Variants in CPNE4 observed in about 807,000 individuals in gnomAD.
The protein encoded by CPNE4 is copine 4, also known as copine-4.
In CPNE4, 25 loss-of-function variants were observed where a neutral mutation model predicts 67.9. That is an observed-to-expected ratio of 0.37 (90% CI 0.27 to 0.51). The LOEUF (loss-of-function observed/expected upper bound fraction) is 0.51, where lower values mean the gene tolerates loss of function less well. Among genes scored for constraint, CPNE4 ranks in the 20% least tolerant of loss-of-function variants. The probability of loss-of-function intolerance (pLI) is 0.93; values close to 1 mark genes in which losing one functional copy is unlikely to be tolerated. For synonymous variants in CPNE4, 242 were observed against 244.9 expected, an observed-to-expected ratio of 0.99 and a Z score of 0.11; for missense variants, 464 against 690.8, an observed-to-expected ratio of 0.67 and a Z score of 3.68.
chr3:131,972,415 T>C (rs1227220612), intron 1 of CPNE4, among the ~76,000 whole-genome samples: 1 of 152,192 alleles, frequency 6.6e-6, no homozygotes. Context: ...CTAGAACAAA[T>C]GCCAATCCCC....
intron 2 of CPNE4, among the ~76,000 whole-genome samples, chr3:131,777,382 T>G (rs1229242816): frequency 4.0e-5 from 6 of 150,484 alleles, no homozygotes; most frequent in African/African-American, 9.7e-5. Flanking sequence ...TTCAAGGTTT[T>G]TTTTTTTTTT....
intron 6 of CPNE4, among the ~76,000 whole-genome samples, chr3:131,682,221 G>A (rs2080776748): frequency 6.6e-6 from 1 of 151,852 alleles, no homozygotes; most frequent in African/African-American, 2.4e-5. Flanking sequence ...GGATATTGAA[G>A]ATTTATATAT....
intron 9 of CPNE4, among the ~76,000 whole-genome samples, chr3:131,577,206 G>A (rs2107685014): frequency 6.6e-6 from 1 of 152,164 alleles, no homozygotes; most frequent in South Asian, 2.1e-4. Context: ...TGTTATGTAA[G>A]GATATGGTCC....
At chr3:131,787,531 C>A (rs1467889323) in intron 2 of CPNE4, among the ~76,000 whole-genome samples, 1 of 152,122 alleles carries the variant, frequency 6.6e-6, no homozygotes, top group African/African-American at 2.4e-5. Context: ...TGTTCTGCAA[C>A]CAAGGCAGAC....
At chr3:131,612,971 C>G (rs1019320844) in intron 7 of CPNE4, among the ~76,000 whole-genome samples, 1 of 152,178 alleles carries the variant, frequency 6.6e-6, no homozygotes, top group Non-Finnish European at 1.5e-5. Flanking sequence ...ATCTTGTAAA[C>G]AAGATCATTC....
chr3:131,737,109 T>C (rs13060561), intron 2 of CPNE4, among the ~76,000 whole-genome samples: 1 of 144,264 alleles, frequency 6.9e-6, no homozygotes, highest in African/African-American at 2.6e-5. Context: ...TTATGAAGTA[T>C]TGTGTCTTTT....
Position 131,993,326 on chromosome 3 carries a change from G to A in CPNE4, c.-2+41241C>T, listed in dbSNP as rs147208303. 5.1e-3 allele frequency among the ~76,000 whole-genome samples: 690 copies of A among 134,162 alleles called. 148 individuals are homozygous for A. Among genetic ancestry groups the A allele is most frequent in the Non-Finnish European group, 8.8e-3 (520 of 59,364 alleles). The allele number at this position is 134,162 out of a possible 152,430, so 88.0% of individuals were successfully genotyped here. ...TGTCCAGGTTCAGGACCTTTAAAGA[G>A]GATACAGGAAACTTGAAATCTTAAT... is the stretch of plus-strand genomic sequence containing the variant. On this transcript the variant is annotated intron_variant, in intron 1 of 15. Transcript: ENST00000429747.
At chr3:131,552,763 A>C (rs1028865066) in intron 12 of CPNE4, among the ~76,000 whole-genome samples, 1 of 152,098 alleles carries the variant, frequency 6.6e-6, no homozygotes, top group African/African-American at 2.4e-5. Flanking sequence ...AAATCCAAGA[A>C]AAGATTTCAG....
At chr3:131,725,649 G>A (rs2081983400) in intron 2 of CPNE4, among the ~76,000 whole-genome samples, 1 of 152,166 alleles carries the variant, frequency 6.6e-6, no homozygotes, top group African/African-American at 2.4e-5. Context: ...TAATAGTTTT[G>A]AATAATAGAA....
chr3:131,981,730 TAGG>T lies in CPNE4; in HGVS notation c.-2+52834_-2+52836del, dbSNP rs542596125. ...GTGGTGCCAGGCAGGAGTGGCCTGCTAGGAGACCCAGCAAGCTCCCAGGGCCTT... is the reference window on the plus strand; with the variant it reads ...GTGGTGCCAGGCAGGAGTGGCCTGCTAGACCCAGCAAGCTCCCAGGGCCTT... On this transcript the variant is annotated intron_variant, in intron 1 of 15. Coordinates refer to ENST00000429747, the MANE Select transcript of CPNE4 (RefSeq NM_130808.3). Among the ~76,000 whole-genome samples, 48 of 152,336 alleles carry T rather than the reference TAGG, an allele frequency of 3.2e-4. 1 individual carries two copies. In the South Asian group the frequency reaches 9.5e-3, roughly 30 times the overall value.
intron 2 of CPNE4, among the ~76,000 whole-genome samples, chr3:131,801,415 C>CAT (rs1553774149): frequency 3.0e-5 from 2 of 66,088 alleles, no homozygotes; most frequent in African/African-American, 1.4e-4. Flanking sequence ...TACATATATA[C>CAT]GTGTGTGTGT....
chr3:131,752,590 T>C (rs973100907), intron 2 of CPNE4, among the ~76,000 whole-genome samples: 9 of 152,190 alleles, frequency 5.9e-5, no homozygotes, highest in African/African-American at 2.2e-4. Flanking sequence ...TGTATTCTTA[T>C]GTTTGTTTTA....
At chr3:131,693,733 C>G (rs192847709) in intron 5 of CPNE4, among the ~76,000 whole-genome samples, 14 of 152,130 alleles carry the variant, frequency 9.2e-5, no homozygotes, top group African/African-American at 2.9e-4. Flanking sequence ...GCCTGACCTC[C>G]CCTCTTACCT....
chr3:131,564,365 A>G lies in CPNE4; in HGVS notation c.928-16T>C. On this transcript the variant is annotated splice_polypyrimidine_tract_variant and intron_variant, in intron 10 of 15. Coordinates refer to ENST00000429747, the MANE Select transcript of CPNE4 (RefSeq NM_130808.3). The stretch of plus-strand genomic sequence containing the variant: ...CTATAGCTACCTAAAAGAGAAAAAT[A>G]CAAGAAAAGGTAAATTTAAAGTGGA... 5 of 1,605,890 alleles carry G rather than the reference A, an allele frequency of 3.1e-6. No homozygotes were observed. The highest frequency in any genetic ancestry group is 4.2e-6 in the Non-Finnish European group (5 of 1,176,652).
At position 131,581,587 on chromosome 3, in the gene CPNE4, G is replaced by A. The variant is rs776733103; in HGVS notation, c.859C>T (p.Leu287=). The change falls in exon 9 of 16, where the codon CTG becomes TTG. Residue 287 remains leucine (L), a synonymous_variant. Coordinates refer to ENST00000429747, the MANE Select transcript of CPNE4 (RefSeq NM_130808.3). ...YKNSGTVILN[L]CKIHKMHSFL... ...GAGGGTTGTGTACATACCTTGCACA[G>A]ATTCAGAATCACAGTGCCTGAGTTC... is the stretch of plus-strand genomic sequence containing the variant. The A allele has an allele frequency of 2.2e-5, 36 of 1,611,508 alleles. No homozygotes were observed. The East Asian group carries it at 7.8e-4, about 35-fold the overall frequency.
intron 2 of CPNE4, among the ~76,000 whole-genome samples, chr3:131,823,673 T>G (rs79665809): frequency 0.024 from 3,586 of 152,288 alleles, 126 homozygotes; most frequent in African/African-American, 0.08. Context: ...CACCCTCTCC[T>G]TAAAGGTTAG....
At chr3:131,628,123 A>C (rs1365518560) in intron 7 of CPNE4, among the ~76,000 whole-genome samples, 1 of 152,196 alleles carries the variant, frequency 6.6e-6, no homozygotes, top group Non-Finnish European at 1.5e-5. Flanking sequence ...TCGTTATCTT[A>C]TTTTAAGAAA....
intron 9 of CPNE4, among the ~76,000 whole-genome samples, chr3:131,579,506 G>A (rs781634280): frequency 5.9e-5 from 9 of 152,040 alleles, no homozygotes; most frequent in Non-Finnish European, 1.0e-4. Context: ...CTATCATTAC[G>A]GTAGTTTTTC....
chr3:131,980,398 T>G (rs560599603), intron 1 of CPNE4, among the ~76,000 whole-genome samples: 6 of 152,270 alleles, frequency 3.9e-5, no homozygotes, highest in Admixed American at 1.3e-4. Context: ...ATTTTCTTAT[T>G]CTTTTTTCTT....
Sources: gnomAD v4.1 joint callset for allele counts (sites outside exome capture counted in the v4.1 genomes callset) on GRCh38, gnomAD v4.1.1 for gene constraint, MANE v1.5 for transcripts, NCBI Gene and HGNC (gene_info 2026-07-23, HGNC 2026-07-21) for gene names.